The following DOCK10 variants were observed in gnomAD, a reference collection of about 807,000 sequenced individuals.
The protein encoded by DOCK10 is dedicator of cytokinesis 10.
Under a neutral mutation model 280.1 loss-of-function variants are expected in DOCK10, and 145 were observed. The observed-to-expected ratio is 0.52, with a 90% CI of 0.45 to 0.59. The LOEUF is 0.59. Among genes scored for constraint, DOCK10 ranks in the 20% least tolerant of loss-of-function variants. The pLI is 0.00. For missense variants in DOCK10, 2,368 were observed against 2,651.7 expected, an observed-to-expected ratio of 0.89 and a Z score of 2.35; for synonymous variants, 915 against 942.2, an observed-to-expected ratio of 0.97 and a Z score of 0.53.
rs777368961 is a variant in DOCK10, at chr2:224,778,134, C to T, written c.5802+4G>A. ...CACTTGCATGAATACTGATTTTCCT[C>T]TACCTTGTTGGAATCCTGGATTATC... On this transcript the variant is annotated splice_donor_region_variant and intron_variant, in intron 51 of 55. Transcript: ENST00000258390. 3.1e-6 allele frequency: 5 copies of T among 1,612,506 alleles called. No individual in the cohort carries two copies. In the African/African-American group the frequency reaches 6.7e-5, roughly 22 times the overall value.
chr2:225,012,733 A>G (rs959946349), intron 1 of DOCK10, among the ~76,000 whole-genome samples: 1 of 152,236 alleles, frequency 6.6e-6, no homozygotes, highest in African/African-American at 2.4e-5. Context: ...AATAGATACA[A>G]TCCTAAACAT....
chr2:224,899,748 C>T (rs1575021331), intron 3 of DOCK10, among the ~76,000 whole-genome samples: 2 of 152,074 alleles, frequency 1.3e-5, no homozygotes, highest in African/African-American at 4.8e-5. Flanking sequence ...CCTACTCTCC[C>T]CCTATACCAC....
At chr2:224,887,498 C>A (rs1324093857) in intron 4 of DOCK10, among the ~76,000 whole-genome samples, 1 of 151,966 alleles carries the variant, frequency 6.6e-6, no homozygotes, top group African/African-American at 2.4e-5. Flanking sequence ...AAATAAACCA[C>A]AAATAAGTTT....
chr2:224,884,077 C>T (rs1374605643), intron 7 of DOCK10, among the ~76,000 whole-genome samples: 1 of 152,156 alleles, frequency 6.6e-6, no homozygotes, highest in Non-Finnish European at 1.5e-5. Context: ...TAGCCTCCAC[C>T]CTCCATTAAG....
In DOCK10 at chr2:224,870,143, T is replaced by G. The variant is rs143780334; in HGVS notation, c.1257+3853A>C. Among the ~76,000 whole-genome samples, 987 of 152,276 alleles carry G rather than the reference T, an allele frequency of 6.5e-3. 11 individuals carry two copies. Among genetic ancestry groups the G allele is most frequent in the African/African-American group, 0.021 (884 of 41,542 alleles). On this transcript the variant is annotated intron_variant, in intron 11 of 55. Coordinates refer to ENST00000258390, the MANE Select transcript of DOCK10 (RefSeq NM_014689.3). ...CATGATAGTGAGTGAGTTCTCATAA[T>G]ATCTGATGGTTTTATAAGGGGCTTT...
chr2:224,950,129 C>T (rs561540484), intron 1 of DOCK10, among the ~76,000 whole-genome samples: 1 of 152,242 alleles, frequency 6.6e-6, no homozygotes, highest in African/African-American at 2.4e-5. Flanking sequence ...AAGATTCATT[C>T]GGTAGCTACA....
intron 25 of DOCK10, 60 bp downstream of exon 25, chr2:224,837,702 A>C: frequency 7.0e-7 from 1 of 1,432,430 alleles, no homozygotes; most frequent in South Asian, 1.1e-5. Context: ...TGCAGACAGG[A>C]AATGAGACAA....
intron 3 of DOCK10, among the ~76,000 whole-genome samples, chr2:224,905,403 G>A (rs892846062): frequency 2.0e-5 from 3 of 151,672 alleles, no homozygotes; most frequent in Non-Finnish European, 4.4e-5. Flanking sequence ...GCCCGCCACC[G>A]CGCCCGGCTA....
chr2:224,844,906 A>G, intron 21 of DOCK10, 67 bp from the exon 22 acceptor site: 1 of 1,170,962 alleles, frequency 8.5e-7, no homozygotes, highest in South Asian at 1.3e-5. Context: ...TAGATTGTTT[A>G]GTTTATGTTA....
At chr2:224,907,650 T>C (rs939274594) in intron 3 of DOCK10, among the ~76,000 whole-genome samples, 6 of 144,322 alleles carry the variant, frequency 4.2e-5, no homozygotes, top group Non-Finnish European at 8.9e-5. Context: ...ATTGCGCCAC[T>C]GCACTCCAAC....
chr2:224,804,969 C>T (rs1693289470), intron 37 of DOCK10, 89 bp downstream of exon 37: 2 of 1,293,488 alleles, frequency 1.5e-6, no homozygotes, highest in East Asian at 2.5e-5. Flanking sequence ...TGATAACTTA[C>T]TATATGGGTT....
Position 224,982,086 on chromosome 2 carries a change from G to C in DOCK10, c.124-50418C>G, listed in dbSNP as rs939330289. ...AAGATTTTCCCCAAACAGTACTTCA[G>C]AGTAGTAAACTCTAGGTCACACATG... is the stretch of plus-strand genomic sequence containing the variant. On this transcript the variant is annotated intron_variant, in intron 1 of 55. Coordinates refer to ENST00000258390, the MANE Select transcript of DOCK10 (RefSeq NM_014689.3). 17 of 660,928 alleles carry C rather than the reference G, an allele frequency of 2.6e-5. No homozygotes were observed. The African/African-American group carries it at 3.2e-4, about 12-fold the overall frequency. 40.9% of individuals were successfully genotyped at this position (660,928 alleles called of 1,614,324 possible).
At position 224,831,756 on chromosome 2, in the gene DOCK10, C is replaced by T. The variant is rs116503555; in HGVS notation, c.2965-1144G>A. On this transcript the variant is annotated intron_variant, in intron 26 of 55. Transcript: ENST00000258390. ...TCCACAACCTGGCCCTCCTCCCTGC[C>T]GCAAATAGCTCCTTAATGGGGTCTA... Among the ~76,000 whole-genome samples, 916 of 152,290 alleles carry T rather than the reference C, an allele frequency of 6.0e-3. 8 individuals are homozygous for T. The highest frequency in any genetic ancestry group is 0.019 in the African/African-American group (797 of 41,552).
At chr2:224,795,118 T>G in intron 44 of DOCK10, 24 bp from the exon 45 acceptor site, 2 of 1,602,866 alleles carry the variant, frequency 1.2e-6, no homozygotes, top group Non-Finnish European at 1.7e-6. Context: ...AGAGCCTGGG[T>G]CATTATCTGT....
At position 224,862,761 on chromosome 2, in the gene DOCK10, A is replaced by T. The variant is rs1697596962; in HGVS notation, c.1603-15T>A. On this transcript the variant is annotated splice_polypyrimidine_tract_variant and intron_variant, in intron 13 of 55. Coordinates refer to ENST00000258390, the MANE Select transcript of DOCK10 (RefSeq NM_014689.3). ...TTTTGTGCATACTAAAGAAAAAATA[A>T]ATACAAATATTGTTTAGAATAGCAC... The T allele has an allele frequency of 1.3e-6, 2 of 1,517,222 alleles. No individual in the cohort carries two copies. 94.0% of individuals were successfully genotyped at this position (1,517,222 alleles called of 1,614,324 possible).
chr2:224,947,711 C>G (rs567705268), intron 1 of DOCK10, among the ~76,000 whole-genome samples: 70 of 152,274 alleles, frequency 4.6e-4, no homozygotes, highest in African/African-American at 1.6e-3. Flanking sequence ...CAAACCCACC[C>G]AGATGCTCTT....
chr2:225,005,657 T>C (rs948554573), intron 1 of DOCK10, among the ~76,000 whole-genome samples: 3 of 152,206 alleles, frequency 2.0e-5, no homozygotes, highest in Non-Finnish European at 2.9e-5. Context: ...TAAATAAATG[T>C]TGCCATTCAG....
At chr2:225,019,135 A>G (rs1381695068) in intron 1 of DOCK10, among the ~76,000 whole-genome samples, 1 of 152,044 alleles carries the variant, frequency 6.6e-6, no homozygotes, top group Non-Finnish European at 1.5e-5. Context: ...AAGGCAGAAA[A>G]CAGCCTCATG....
At chr2:224,820,568 T>A (rs1163451766) in intron 28 of DOCK10, among the ~76,000 whole-genome samples, 1 of 152,248 alleles carries the variant, frequency 6.6e-6, no homozygotes, top group Non-Finnish European at 1.5e-5. Flanking sequence ...GTGTCCAGGA[T>A]GATCCATTAA....
Sources: gnomAD v4.1 joint callset for allele counts (sites outside exome capture counted in the v4.1 genomes callset) on GRCh38, gnomAD v4.1.1 for gene constraint, MANE v1.5 for transcripts, NCBI Gene and HGNC (gene_info 2026-07-23, HGNC 2026-07-21) for gene names.